Variants in RTTN observed in about 807,000 individuals in gnomAD.
The protein encoded by RTTN is rotatin.
A neutral mutation model predicts 269.2 loss-of-function variants in RTTN; 182 were observed. The observed-to-expected ratio is 0.68, with a 90% CI of 0.60 to 0.76. The LOEUF is 0.76. Among genes scored for constraint, RTTN ranks in the 30% least tolerant of loss-of-function variants. The pLI, the probability that RTTN is intolerant of heterozygous loss-of-function variation, is 0.00. For synonymous variants in RTTN, 1,006 were observed against 963.5 expected (o/e 1.04, Z -0.82); for missense variants, 2,545 against 2,608.6 (o/e 0.98, Z 0.53).
chr18:70,191,287 T>C (rs2061666125), intron 8 of RTTN, among the ~76,000 whole-genome samples: 1 of 152,142 alleles, frequency 6.6e-6, no homozygotes, highest in Admixed American at 6.5e-5. Context: ...TCAACATTCC[T>C]ATAGTAGGAA....
chr18:70,098,425 T>C (rs2059061064), intron 28 of RTTN, among the ~76,000 whole-genome samples: 1 of 152,184 alleles, frequency 6.6e-6, no homozygotes, highest in African/African-American at 2.4e-5. Context: ...GGAGTTGTTT[T>C]TTTGAAAAAC....
At chr18:70,150,259 T>A in intron 15 of RTTN, 172 bp from the exon 16 acceptor site, 1 of 586,348 alleles carries the variant, frequency 1.7e-6, no homozygotes. Flanking sequence ...TTTTTCTTCC[T>A]TAATATTTCT....
At chr18:70,079,080 T>C (rs1170577306) in intron 32 of RTTN, among the ~76,000 whole-genome samples, 8 of 152,102 alleles carry the variant, frequency 5.3e-5, no homozygotes, top group Non-Finnish European at 1.2e-4. Flanking sequence ...AAATATATTA[T>C]TGCAAACATG....
Position 70,166,061 on chromosome 18 carries a change from C to T in RTTN, c.1929+1G>A, listed in dbSNP as rs1378757045. 2 of 1,613,318 alleles carry T rather than the reference C, an allele frequency of 1.2e-6. No individual in the cohort carries two copies. Among genetic ancestry groups the T allele is most frequent in the South Asian group, 1.1e-5 (1 of 90,982 alleles). On this transcript the variant is annotated splice_donor_variant, in intron 14 of 48. Transcript: ENST00000640769. LOFTEE classifies it high-confidence loss of function. Reference sequence around the variant, plus strand: ...AAACATACGAAAAAACAAAACCTCACCTTCGTGATTTCCAGACAGCAGTGG... The same window carrying T: ...AAACATACGAAAAAACAAAACCTCATCTTCGTGATTTCCAGACAGCAGTGG...
intron 21 of RTTN, chr18:70,138,454 C>T (rs530358959): frequency 1.3e-5 from 2 of 152,054 alleles, no homozygotes; most frequent in African/African-American, 4.8e-5. Context: ...GCTTTTGAAT[C>T]CAGTAGGTGT....
Position 70,057,845 on chromosome 18 carries a change from G to C in RTTN, c.4941-13C>G. On this transcript the variant is annotated splice_polypyrimidine_tract_variant and intron_variant, in intron 36 of 48. Coordinates refer to ENST00000640769, the MANE Select transcript of RTTN (RefSeq NM_173630.4). The stretch of plus-strand genomic sequence containing the variant: ...AGCATCTGCAATGCTGTGACGATCA[G>C]AAAAAGAAAATCCTTCAGAAGATTA... The C allele has an allele frequency of 1.3e-6, 2 of 1,588,418 alleles. No homozygotes were observed. Among genetic ancestry groups the C allele is most frequent in the Non-Finnish European group, 1.7e-6 (2 of 1,158,978 alleles).
chr18:70,052,944 C>T (rs2057716287), intron 38 of RTTN, among the ~76,000 whole-genome samples: 1 of 152,104 alleles, frequency 6.6e-6, no homozygotes, highest in Non-Finnish European at 1.5e-5. Context: ...TAAATATATA[C>T]TACTTTCAAT....
chr18:70,004,175 G>T lies in RTTN; in HGVS notation c.6657C>A (p.Leu2219=). 6.2e-7 allele frequency: 1 copy of T among 1,613,518 alleles called. No individual in the cohort carries two copies. Among genetic ancestry groups the T allele is most frequent in the Non-Finnish European group, 8.5e-7 (1 of 1,179,496 alleles). The change falls in exon 49 of 49, where the codon CTC becomes CTA. Residue 2219 remains leucine (L), a synonymous_variant. Transcript: ENST00000640769. ...CTCAGGAAGAATTAAGGAGCTGCAC[G>T]AGGTTTTCAAGACATTTCAAATAAT... ...NAYYLKCLEN[L]VQLLNSS
chr18:70,191,236 G>A (rs1162251607), intron 8 of RTTN, among the ~76,000 whole-genome samples: 1 of 150,856 alleles, frequency 6.6e-6, no homozygotes, highest in Non-Finnish European at 1.5e-5. Context: ...AGCCAAAAAT[G>A]CATCTATATT....
At chr18:70,167,831 GGTAA>G (rs1322139253) in intron 12 of RTTN, among the ~76,000 whole-genome samples, 3 of 152,052 alleles carry the variant, frequency 2.0e-5, no homozygotes, top group South Asian at 2.1e-4. Flanking sequence ...AAACTACAGT[GGTAA>G]GTAAGAAAAA....
intron 26 of RTTN, among the ~76,000 whole-genome samples, chr18:70,121,166 A>T (rs1387199724): frequency 1.3e-5 from 2 of 152,148 alleles, no homozygotes; most frequent in Non-Finnish European, 2.9e-5. Flanking sequence ...AACACACTTT[A>T]TCTTTATAAC....
At chr18:70,122,457 G>A (rs2059763572) in intron 25 of RTTN, among the ~76,000 whole-genome samples, 1 of 151,918 alleles carries the variant, frequency 6.6e-6, no homozygotes, top group Admixed American at 6.6e-5. Context: ...ACAATAATAC[G>A]AATCTTAATA....
Position 70,017,609 on chromosome 18 carries a change from ATTAC to A in RTTN, c.6215_6218del (p.Ser2072IlefsTer2). 1 of 1,613,858 alleles carries A rather than the reference ATTAC, an allele frequency of 6.2e-7. No homozygotes were observed. Among genetic ancestry groups the A allele is most frequent in the Non-Finnish European group, 8.5e-7 (1 of 1,179,778 alleles). ...GTAACTTCAACCAAAGAATAGTCAG[ATTAC>A]TTAGATGTTTATTTCCTCCTTTTGG... is the stretch of plus-strand genomic sequence containing the variant. On this transcript the variant is annotated frameshift_variant, in exon 46 of 49. Transcript: ENST00000640769. LOFTEE classifies it high-confidence loss of function.
chr18:70,004,535 T>C (rs2056121318), intron 48 of RTTN, among the ~76,000 whole-genome samples: 1 of 152,074 alleles, frequency 6.6e-6, no homozygotes, highest in African/African-American at 2.4e-5. Flanking sequence ...TTATGTACCA[T>C]CCTTCCTAAA....
intron 34 of RTTN, among the ~76,000 whole-genome samples, chr18:70,069,738 C>T (rs2058245776): frequency 6.6e-6 from 1 of 152,052 alleles, no homozygotes; most frequent in African/African-American, 2.4e-5. Context: ...CCATCAACTT[C>T]CCTCAAAAGC....
At chr18:70,132,245 CATATA>C (rs1284775906) in intron 23 of RTTN, among the ~76,000 whole-genome samples, 1 of 151,992 alleles carries the variant, frequency 6.6e-6, no homozygotes, top group Non-Finnish European at 1.5e-5. Context: ...ACTTCACACA[CATATA>C]ATAAAGTAGA....
At chr18:70,103,747 G>C (rs1043073020) in intron 28 of RTTN, among the ~76,000 whole-genome samples, 2 of 69,692 alleles carry the variant, frequency 2.9e-5, no homozygotes, top group Non-Finnish European at 5.3e-5. Context: ...ACCCAAGAAT[G>C]ATCAATAAAT....
chr18:70,075,085 A>G (rs1200292904), intron 33 of RTTN: 2 of 261,964 alleles, frequency 7.6e-6, no homozygotes, highest in Non-Finnish European at 7.0e-6. Context: ...AGAATTTATA[A>G]CATAGAAAAA....
intron 14 of RTTN, among the ~76,000 whole-genome samples, chr18:70,163,119 C>G (rs2060891458): frequency 7.4e-6 from 1 of 134,840 alleles, no homozygotes; most frequent in African/African-American, 2.8e-5. Flanking sequence ...CACGGTGGCT[C>G]ACATTTGTAA....
Sources: allele counts gnomAD v4.1 joint callset (sites outside exome capture counted in the v4.1 genomes callset), GRCh38; gene constraint gnomAD v4.1.1; transcripts MANE v1.5; gene names NCBI Gene and HGNC (gene_info 2026-07-23, HGNC 2026-07-21).